Variants in ASXL2 observed in about 807,000 individuals in gnomAD.
ASXL2 encodes the protein ASXL transcriptional regulator 2, also known as putative Polycomb group protein ASXL2.
A neutral mutation model predicts 122.0 loss-of-function variants in ASXL2; 23 were observed. The observed-to-expected ratio is 0.19, with a 90% CI of 0.14 to 0.27. The LOEUF (loss-of-function observed/expected upper bound fraction) is 0.27, where lower values mean the gene tolerates loss of function less well. Among genes scored for constraint, ASXL2 ranks in the 10% least tolerant of loss-of-function variants. The probability of loss-of-function intolerance (pLI) is 1.00; values close to 1 mark genes in which losing one functional copy is unlikely to be tolerated. For missense variants in ASXL2, 1,518 were observed against 1,713.8 expected (o/e 0.89, Z 2.02); for synonymous variants, 650 against 637.0 (o/e 1.02, Z -0.31).
intron 5 of ASXL2, among the ~76,000 whole-genome samples, chr2:25,787,951 T>G (rs907864895): frequency 6.6e-6 from 1 of 152,090 alleles, no homozygotes; most frequent in Admixed American, 6.6e-5. Flanking sequence ...TGGAAAGAAT[T>G]AAACTATTAG....
chr2:25,863,644 G>T (rs2149201008), intron 1 of ASXL2, among the ~76,000 whole-genome samples: 1 of 151,930 alleles, frequency 6.6e-6, no homozygotes, highest in African/African-American at 2.4e-5. Flanking sequence ...AAAGAGCCGA[G>T]ATCGCGCCAC....
chr2:25,765,213 C>T (rs898349047), intron 8 of ASXL2, among the ~76,000 whole-genome samples: 22 of 152,122 alleles, frequency 1.4e-4, no homozygotes, highest in South Asian at 1.2e-3. Flanking sequence ...TGGCTGGGGG[C>T]GGTGGCTCAT....
rs144619709 is a variant in ASXL2, at chr2:25,869,733, T to C, written c.57+8433A>G. On this transcript the variant is annotated intron_variant, in intron 1 of 12. Coordinates refer to ENST00000435504, the MANE Select transcript of ASXL2 (RefSeq NM_018263.6). Reference sequence around the variant, plus strand: ...CGGGAGGCTGAGGCAGGAGAATCGCTTGAACCTGGGAGCTGGAGGCTGCAG... The same window carrying C: ...CGGGAGGCTGAGGCAGGAGAATCGCCTGAACCTGGGAGCTGGAGGCTGCAG... Among the ~76,000 whole-genome samples, 362 of 151,896 alleles carry C rather than the reference T, an allele frequency of 2.4e-3. 3 individuals carry two copies. The highest frequency in any genetic ancestry group is 8.0e-3 in the African/African-American group (333 of 41,414).
intron 3 of ASXL2, among the ~76,000 whole-genome samples, chr2:25,815,120 C>CAACT (rs1172271528): frequency 6.6e-6 from 1 of 152,174 alleles, no homozygotes; most frequent in Non-Finnish European, 1.5e-5. Flanking sequence ...CCCTCACATA[C>CAACT]AACTATTCTC....
At position 25,820,128 on chromosome 2, in the gene ASXL2, T is replaced by C. The variant is rs533402471; in HGVS notation, c.144-13791A>G. 3.3e-5 allele frequency among the ~76,000 whole-genome samples: 5 copies of C among 152,206 alleles called. No individual in the cohort carries two copies. In the East Asian group the frequency reaches 9.6e-4, roughly 29 times the overall value. ...AGACGGGCTCGCTTTGTTGCCCAGG[T>C]TGGTCTTGAACTCCTGCACTCAAGC... On this transcript the variant is annotated intron_variant, in intron 3 of 12. Transcript: ENST00000435504.
rs533071937 is a variant in ASXL2, at chr2:25,852,064, G to A, written c.58-6501C>T. On this transcript the variant is annotated intron_variant, in intron 1 of 12. Coordinates refer to ENST00000435504, the MANE Select transcript of ASXL2 (RefSeq NM_018263.6). Reference sequence around the variant, plus strand: ...TACATTATCTTCCACAAGCGGAAATGACTACAGTAGTTTTGCAAAACTGTT... The same window carrying A: ...TACATTATCTTCCACAAGCGGAAATAACTACAGTAGTTTTGCAAAACTGTT... Among the ~76,000 whole-genome samples the A allele has an allele frequency of 4.6e-5, 7 of 152,184 alleles. No individual in the cohort carries two copies. The South Asian group carries it at 1.2e-3, about 27-fold the overall frequency.
intron 3 of ASXL2, among the ~76,000 whole-genome samples, chr2:25,814,415 G>A (rs185762327): frequency 4.6e-5 from 7 of 152,338 alleles, no homozygotes; most frequent in Non-Finnish European, 8.8e-5. Flanking sequence ...CCATAGTACT[G>A]AGATCAATAC....
intron 1 of ASXL2, chr2:25,856,689 G>A: frequency 7.8e-7 from 1 of 1,282,868 alleles, no homozygotes; most frequent in South Asian, 1.2e-5. Context: ...GTTAGAGTGA[G>A]CCAGTTTGCA....
At chr2:25,795,132 C>T (rs2088893791) in intron 5 of ASXL2, among the ~76,000 whole-genome samples, 2 of 152,098 alleles carry the variant, frequency 1.3e-5, no homozygotes, top group African/African-American at 2.4e-5. Flanking sequence ...TCATGCGCAC[C>T]TCTCACCTCA....
intron 2 of ASXL2, among the ~76,000 whole-genome samples, chr2:25,843,072 G>A (rs1232114343): frequency 7.9e-5 from 12 of 151,290 alleles, no homozygotes; most frequent in Non-Finnish European, 1.2e-4. Context: ...AGGCCAAGGC[G>A]GGCGGATCAC....
chr2:25,766,826 A>C (rs933646643), intron 8 of ASXL2, among the ~76,000 whole-genome samples: 1 of 152,092 alleles, frequency 6.6e-6, no homozygotes, highest in Admixed American at 6.6e-5. Flanking sequence ...TTGAAATTTC[A>C]CTTCAAAATA....
chr2:25,820,626 G>A (rs1222273668), intron 3 of ASXL2, among the ~76,000 whole-genome samples: 2 of 152,194 alleles, frequency 1.3e-5, no homozygotes, highest in Admixed American at 6.5e-5. Flanking sequence ...TATCCAGTAT[G>A]AGAGATCTCA....
chr2:25,847,864 T>C (rs1192322550), intron 1 of ASXL2, among the ~76,000 whole-genome samples: 1 of 152,178 alleles, frequency 6.6e-6, no homozygotes, highest in South Asian at 2.1e-4. Context: ...TTATAGAAGG[T>C]AAATGATAAA....
intron 11 of ASXL2, among the ~76,000 whole-genome samples, chr2:25,750,906 C>T (rs576815860): frequency 3.4e-4 from 52 of 152,258 alleles, no homozygotes; most frequent in Admixed American, 7.2e-4. Context: ...TCTGTGCAAA[C>T]CCAGGCCCAA....
At chr2:25,874,458 C>T (rs1232732354) in intron 1 of ASXL2, among the ~76,000 whole-genome samples, 1 of 152,012 alleles carries the variant, frequency 6.6e-6, no homozygotes, top group Admixed American at 6.6e-5. Flanking sequence ...CACTGCATTC[C>T]AGCCTGGGCA....
chr2:25,741,346 T>C lies in ASXL2; in HGVS notation c.*683A>G, dbSNP rs190316584. 2.1e-4 allele frequency: 46 copies of C among 220,892 alleles called. No individual in the cohort carries two copies. The highest frequency in any genetic ancestry group is 1.4e-3 in the Middle Eastern group (1 of 708). The allele number at this position is 220,892 out of a possible 1,614,324, so 13.7% of individuals were successfully genotyped here. A position where few individuals can be genotyped will look rare whatever the true frequency, so the allele number is the denominator to read the frequency against. Reference sequence around the variant, plus strand: ...CAGGGATCCACAAATTCCAAGCAGATTGCTTGGCAACAGTACCAGTAACTA... The same window carrying C: ...CAGGGATCCACAAATTCCAAGCAGACTGCTTGGCAACAGTACCAGTAACTA... On this transcript the variant is annotated 3_prime_UTR_variant, in exon 13 of 13. Transcript: ENST00000435504.
At position 25,759,639 on chromosome 2, in the gene ASXL2, A is replaced by C; in HGVS notation, c.782T>G (p.Met261Arg). The stretch of plus-strand genomic sequence containing the variant: ...AATGTCAGCACATTTAGTTCTTTTC[A>C]TTTGTCCTACAAAAACAGAGAAGAA... ...QRSERLHTRQ[M>R]KRTKCADIDV... is the part of the protein sequence containing the mutation. Residue 261 changes from methionine to arginine, a missense_variant, in exon 9 of 13, where the codon ATG becomes AGG. This residue lies in a region of ASXL2 where 198 missense variants were observed against 209.0 expected (regional missense o/e 0.95). Coordinates refer to ENST00000435504, the MANE Select transcript of ASXL2 (RefSeq NM_018263.6). 6.2e-7 allele frequency: 1 copy of C among 1,609,252 alleles called. No individual in the cohort carries two copies. Among genetic ancestry groups the C allele is most frequent in the South Asian group, 1.1e-5 (1 of 90,604 alleles).
intron 10 of ASXL2, among the ~76,000 whole-genome samples, chr2:25,754,437 G>A (rs1012001430): frequency 6.6e-6 from 1 of 152,150 alleles, no homozygotes; most frequent in Non-Finnish European, 1.5e-5. Context: ...TCCTGGGGGT[G>A]AGAAGAAGGA....
chr2:25,808,855 T>C (rs902706760), intron 3 of ASXL2, among the ~76,000 whole-genome samples: 24 of 152,150 alleles, frequency 1.6e-4, no homozygotes, highest in Admixed American at 1.2e-3. Context: ...ACAGACCTCA[T>C]TGAAACCTTA....
Sources: gnomAD v4.1 joint callset for allele counts (sites outside exome capture counted in the v4.1 genomes callset) on GRCh38, gnomAD v4.1.1 for gene constraint, gnomAD v4.1.1 regional missense constraint, MANE v1.5 for transcripts, NCBI Gene and HGNC (gene_info 2026-07-23, HGNC 2026-07-21) for gene names.